Variants in NRG3 observed in about 807,000 individuals in gnomAD.
The protein encoded by NRG3 is neuregulin 3.
Under a neutral mutation model 66.9 loss-of-function variants are expected in NRG3, and 31 were observed. That is an observed-to-expected ratio of 0.46 (90% CI 0.35 to 0.63). The LOEUF is 0.63. Ranked by LOEUF, NRG3 falls within the 20% of genes least tolerant of loss-of-function variation. The pLI is 0.00. For synonymous variants in NRG3, 393 were observed against 359.4 expected, an observed-to-expected ratio of 1.09 and a Z score of -1.06; for missense variants, 910 against 878.9, an observed-to-expected ratio of 1.04 and a Z score of -0.45.
At chr10:82,521,190 A>C (rs1846142213) in intron 2 of NRG3, among the ~76,000 whole-genome samples, 1 of 152,162 alleles carries the variant, frequency 6.6e-6, no homozygotes, top group African/African-American at 2.4e-5. Context: ...GTGTACAAAA[A>C]ATACCTTAAT....
At chr10:82,256,772 A>G (rs922930520) in intron 1 of NRG3, among the ~76,000 whole-genome samples, 1 of 152,226 alleles carries the variant, frequency 6.6e-6, no homozygotes, top group Non-Finnish European at 1.5e-5. Context: ...AAGAGAATGC[A>G]TTTGGAACCC....
At chr10:82,288,064 G>GGGGT (rs1265070604) in intron 1 of NRG3, among the ~76,000 whole-genome samples, 2 of 152,136 alleles carry the variant, frequency 1.3e-5, no homozygotes, top group Non-Finnish European at 2.9e-5. Context: ...GAGCCCCGAT[G>GGGGT]GGGTCCCATT....
intron 2 of NRG3, among the ~76,000 whole-genome samples, chr10:82,554,236 G>A (rs958890814): frequency 3.3e-5 from 5 of 152,006 alleles, no homozygotes; most frequent in Non-Finnish European, 5.9e-5. Context: ...TGACTATCAC[G>A]GACAGTATTG....
intron 1 of NRG3, among the ~76,000 whole-genome samples, chr10:82,052,032 T>A (rs12262379): frequency 0.22 from 5,241 of 24,150 alleles, 298 homozygotes; most frequent in African/African-American, 0.36. Flanking sequence ...CCGCATTAGA[T>A]TTTTTTTTTT....
intron 1 of NRG3, among the ~76,000 whole-genome samples, chr10:82,093,753 A>G (rs1434742260): frequency 6.6e-6 from 1 of 152,190 alleles, no homozygotes; most frequent in Non-Finnish European, 1.5e-5. Flanking sequence ...ACATTTTAAT[A>G]CATATCTAGA....
At chr10:82,092,386 ACACACACACG>A (rs1387721268) in intron 1 of NRG3, among the ~76,000 whole-genome samples, 16 of 152,024 alleles carry the variant, frequency 1.1e-4, no homozygotes, top group African/African-American at 3.9e-4. Flanking sequence ...CTGAACCCAC[ACACACACACG>A]CACACACACA....
At chr10:81,921,705 A>C (rs1028841510) in intron 1 of NRG3, among the ~76,000 whole-genome samples, 2 of 152,092 alleles carry the variant, frequency 1.3e-5, no homozygotes, top group African/African-American at 4.8e-5. Context: ...ATTCCTTTTT[A>C]GTAGCAAGCA....
At chr10:82,059,546 AG>A (rs2064023646) in intron 1 of NRG3, among the ~76,000 whole-genome samples, 1 of 152,206 alleles carries the variant, frequency 6.6e-6, no homozygotes, top group Non-Finnish European at 1.5e-5. Context: ...ATAATTTGGC[AG>A]GAGACTTTTT....
chr10:82,750,839 G>A (rs2058833314), intron 3 of NRG3, among the ~76,000 whole-genome samples: 1 of 151,894 alleles, frequency 6.6e-6, no homozygotes, highest in Non-Finnish European at 1.5e-5. Context: ...TTCATGAGGG[G>A]TCAAGAGCAA....
At chr10:82,270,953 C>T (rs1220970556) in intron 1 of NRG3, among the ~76,000 whole-genome samples, 1 of 152,058 alleles carries the variant, frequency 6.6e-6, no homozygotes, top group Non-Finnish European at 1.5e-5. Context: ...GCTAATTTTC[C>T]CTTCTTCATT....
chr10:82,093,348 C>T (rs185947366), intron 1 of NRG3, among the ~76,000 whole-genome samples: 8 of 152,076 alleles, frequency 5.3e-5, no homozygotes, highest in South Asian at 4.1e-4. Flanking sequence ...GACTCATGTA[C>T]GCAAACATTT....
chr10:82,608,071 T>C (rs773087854), intron 2 of NRG3, among the ~76,000 whole-genome samples: 8 of 152,182 alleles, frequency 5.3e-5, no homozygotes, highest in Non-Finnish European at 7.4e-5. Context: ...TTCTGACTTA[T>C]ACCATGTAAG....
chr10:81,884,419 CTTGT>C (rs1180985135), intron 1 of NRG3, among the ~76,000 whole-genome samples: 1 of 152,152 alleles, frequency 6.6e-6, no homozygotes, highest in Non-Finnish European at 1.5e-5. Flanking sequence ...ATGTTGTCTT[CTTGT>C]TTATTTTTTA....
At chr10:82,049,549 A>T (rs2063487561) in intron 1 of NRG3, among the ~76,000 whole-genome samples, 1 of 151,292 alleles carries the variant, frequency 6.6e-6, no homozygotes, top group Non-Finnish European at 1.5e-5. Flanking sequence ...TTTCAAAGAT[A>T]ACTGTTCCCC....
chr10:82,726,220 C>G (rs1246128564), intron 2 of NRG3, among the ~76,000 whole-genome samples: 2 of 152,176 alleles, frequency 1.3e-5, no homozygotes, highest in African/African-American at 2.4e-5. Context: ...AGCAGCCCAA[C>G]CTGATTTATA....
At chr10:82,352,787 G>A (rs1045087409) in intron 1 of NRG3, among the ~76,000 whole-genome samples, 2 of 151,728 alleles carry the variant, frequency 1.3e-5, no homozygotes, top group Non-Finnish European at 2.9e-5. Flanking sequence ...TGAGGAGTGA[G>A]AGACACAGAG....
At chr10:82,415,473 T>C (rs1465269504) in intron 2 of NRG3, among the ~76,000 whole-genome samples, 3 of 152,180 alleles carry the variant, frequency 2.0e-5, no homozygotes, top group African/African-American at 7.2e-5. Context: ...AGGAGTCTTG[T>C]AATTATGCTA....
At chr10:82,644,690 AC>A (rs2050815490) in intron 2 of NRG3, among the ~76,000 whole-genome samples, 1 of 152,154 alleles carries the variant, frequency 6.6e-6, no homozygotes, top group South Asian at 2.1e-4. Context: ...ACTCTACCAG[AC>A]AGGACAGAAT....
At chr10:82,705,739 T>G (rs2056242459) in intron 2 of NRG3, among the ~76,000 whole-genome samples, 1 of 126,786 alleles carries the variant, frequency 7.9e-6, no homozygotes. Flanking sequence ...GCAGTTTTGC[T>G]GAGGGAGAAA....
Sources: gnomAD v4.1 joint callset for allele counts (sites outside exome capture counted in the v4.1 genomes callset) on GRCh38, gnomAD v4.1.1 for gene constraint, MANE v1.5 for transcripts, NCBI Gene and HGNC (gene_info 2026-07-23, HGNC 2026-07-21) for gene names.